Variants in NECAB1 observed in about 807,000 individuals in gnomAD.
NECAB1 encodes N-terminal EF-hand calcium binding protein 1, also known as N-terminal EF-hand calcium-binding protein 1.
NECAB1 carries 29 observed loss-of-function variants against 57.5 expected under a neutral mutation model. That is an observed-to-expected ratio of 0.50 (90% CI 0.38 to 0.69). The LOEUF (loss-of-function observed/expected upper bound fraction) is 0.69. Among genes scored for constraint, NECAB1 ranks in the 30% least tolerant of loss-of-function variants. NECAB1 has a pLI of 0.00. For missense variants in NECAB1, 372 were observed against 413.8 expected, an observed-to-expected ratio of 0.90 and a Z score of 0.88; for synonymous variants, 142 against 147.7, an observed-to-expected ratio of 0.96 and a Z score of 0.28.
chr8:90,880,603 C>T (rs746060061), intron 4 of NECAB1, among the ~76,000 whole-genome samples: 10 of 151,196 alleles, frequency 6.6e-5, no homozygotes, highest in Non-Finnish European at 7.4e-5. Context: ...TCATGTTTTG[C>T]ATCACTGACT....
chr8:90,893,737 C>G (rs886961479), intron 5 of NECAB1, among the ~76,000 whole-genome samples: 7 of 152,118 alleles, frequency 4.6e-5, no homozygotes, highest in African/African-American at 1.4e-4. Flanking sequence ...ATCAGGGCCC[C>G]CTGCAATGGG....
At chr8:90,843,473 G>C (rs1481916418) in intron 3 of NECAB1, among the ~76,000 whole-genome samples, 1 of 152,136 alleles carries the variant, frequency 6.6e-6, no homozygotes, top group East Asian at 1.9e-4. Flanking sequence ...TGATATGCAG[G>C]GTCATGAATA....
chr8:90,872,053 A>G (rs1010236418), intron 3 of NECAB1, 75 bp from the exon 4 acceptor site: 1 of 1,142,014 alleles, frequency 8.8e-7, no homozygotes. Flanking sequence ...GACTAACTGT[A>G]TTTAACTATT....
chr8:90,928,846 C>A (rs1302174559), intron 8 of NECAB1, among the ~76,000 whole-genome samples: 1 of 152,120 alleles, frequency 6.6e-6, no homozygotes, highest in East Asian at 1.9e-4. Context: ...TTCTTTAGAA[C>A]TACATTTTAT....
chr8:90,929,742 G>A (rs543857497), intron 8 of NECAB1, among the ~76,000 whole-genome samples: 26 of 152,300 alleles, frequency 1.7e-4, no homozygotes, highest in African/African-American at 6.0e-4. Flanking sequence ...ATGCTGATAA[G>A]CTAACAAACT....
intron 3 of NECAB1, among the ~76,000 whole-genome samples, chr8:90,844,557 T>C (rs4735416): frequency 6.6e-6 from 1 of 151,948 alleles, no homozygotes; most frequent in Non-Finnish European, 1.5e-5. Context: ...TGTCAGATCC[T>C]CCCTACTGTC....
At chr8:90,863,923 G>A (rs989012513) in intron 3 of NECAB1, among the ~76,000 whole-genome samples, 6 of 152,036 alleles carry the variant, frequency 3.9e-5, no homozygotes, top group African/African-American at 7.2e-5. Flanking sequence ...AATTAAAACA[G>A]AAGTATTAGA....
chr8:90,801,162 T>A (rs1453274373), intron 1 of NECAB1, among the ~76,000 whole-genome samples: 1 of 152,206 alleles, frequency 6.6e-6, no homozygotes, highest in Non-Finnish European at 1.5e-5. Context: ...GTAAACTTGA[T>A]GAGTTTTAAC....
At chr8:90,856,062 A>G (rs1812787961) in intron 3 of NECAB1, among the ~76,000 whole-genome samples, 2 of 152,224 alleles carry the variant, frequency 1.3e-5, no homozygotes, top group Admixed American at 1.3e-4. Context: ...TACTCCAAGC[A>G]TAATAGAAAC....
At chr8:90,829,539 G>C (rs1490098115) in intron 3 of NECAB1, among the ~76,000 whole-genome samples, 3 of 152,060 alleles carry the variant, frequency 2.0e-5, no homozygotes, top group Admixed American at 6.6e-5. Flanking sequence ...TTCTGTGTCA[G>C]AGAGTGAACA....
intron 7 of NECAB1, 127 bp from the exon 8 acceptor site, chr8:90,928,096 T>TA (rs1216984975): frequency 2.8e-6 from 2 of 706,192 alleles, no homozygotes; most frequent in African/African-American, 1.9e-5. Flanking sequence ...GAATACATTT[T>TA]AAAAAAATGA....
intron 5 of NECAB1, among the ~76,000 whole-genome samples, chr8:90,887,598 G>C (rs1809037834): frequency 6.6e-6 from 1 of 152,166 alleles, no homozygotes. Context: ...TGCTCACTGA[G>C]TAATCAGATA....
At chr8:90,929,429 C>T (rs1810353589) in intron 8 of NECAB1, among the ~76,000 whole-genome samples, 1 of 152,134 alleles carries the variant, frequency 6.6e-6, no homozygotes, top group Non-Finnish European at 1.5e-5. Flanking sequence ...GTCCAGAGGT[C>T]TGAATTTGGA....
chr8:90,822,291 C>A (rs936861804), intron 2 of NECAB1, among the ~76,000 whole-genome samples: 1 of 151,904 alleles, frequency 6.6e-6, no homozygotes, highest in African/African-American at 2.4e-5. Flanking sequence ...AATCATACTA[C>A]AAGGGAATAT....
chr8:90,956,291 TACAG>T lies in NECAB1; in HGVS notation c.*784_*787del, dbSNP rs1395931290. 6.6e-6 allele frequency: 1 copy of T among 152,044 alleles called. No homozygotes were observed. Among genetic ancestry groups the T allele is most frequent in the Non-Finnish European group, 1.5e-5 (1 of 67,930 alleles). 9.4% of individuals were successfully genotyped at this position (152,044 alleles called of 1,614,324 possible). On this transcript the variant is annotated 3_prime_UTR_variant, in exon 13 of 13. Coordinates refer to ENST00000417640, the MANE Select transcript of NECAB1 (RefSeq NM_022351.5). ...TATGCTATATAGTTTTGGTATGCGA[TACAG>T]ACAGCTAACTTTTCTTATGAAAAAT...
chr8:90,949,684 G>C (rs1355876496), intron 10 of NECAB1, 123 bp from the exon 11 acceptor site: 2 of 466,340 alleles, frequency 4.3e-6, no homozygotes, highest in Admixed American at 3.8e-5. Flanking sequence ...TTTCATGCAG[G>C]CACCTTAGAT....
At chr8:90,866,785 A>G (rs1383476339) in intron 3 of NECAB1, among the ~76,000 whole-genome samples, 2 of 152,164 alleles carry the variant, frequency 1.3e-5, no homozygotes, top group Admixed American at 1.3e-4. Context: ...AGAAATAGGA[A>G]CACTTTTACA....
chr8:90,839,051 T>G (rs1812414075), intron 3 of NECAB1, among the ~76,000 whole-genome samples: 1 of 152,256 alleles, frequency 6.6e-6, no homozygotes, highest in Non-Finnish European at 1.5e-5. Flanking sequence ...GGATGATTGA[T>G]ACATTTTATC....
At chr8:90,816,159 G>A (rs769703555) in intron 2 of NECAB1, among the ~76,000 whole-genome samples, 24 of 151,670 alleles carry the variant, frequency 1.6e-4, no homozygotes, top group Admixed American at 3.9e-4. Context: ...TGTCTTCTTT[G>A]GTAAAGTGTC....
Sources: allele counts gnomAD v4.1 joint callset (sites outside exome capture counted in the v4.1 genomes callset), GRCh38; gene constraint gnomAD v4.1.1; transcripts MANE v1.5; gene names NCBI Gene and HGNC (gene_info 2026-07-23, HGNC 2026-07-21).